The following WDFY3 variants were observed in gnomAD, a reference collection of about 807,000 sequenced individuals.
WDFY3 encodes the protein WD repeat and FYVE domain containing 3, also known as WD repeat and FYVE domain-containing protein 3.
Under a neutral mutation model 409.6 loss-of-function variants are expected in WDFY3, and 66 were observed. The observed-to-expected ratio is 0.16, with a 90% CI of 0.13 to 0.20. The LOEUF is 0.20. Ranked by LOEUF, WDFY3 falls within the 10% of genes least tolerant of loss-of-function variation. The probability of loss-of-function intolerance (pLI) is 1.00; values close to 1 mark genes in which losing one functional copy is unlikely to be tolerated. For synonymous variants in WDFY3, 1,521 were observed against 1,537.1 expected (o/e 0.99, Z 0.25); for missense variants, 3,031 against 4,298.1 (o/e 0.71, Z 8.24).
chr4:84,787,150 G>A (rs1278016280), intron 23 of WDFY3, among the ~76,000 whole-genome samples: 2 of 152,118 alleles, frequency 1.3e-5, no homozygotes. Flanking sequence ...AACAGGGGTG[G>A]CTATACTTTA....
At chr4:84,714,607 T>C (rs899418578) in intron 50 of WDFY3, among the ~76,000 whole-genome samples, 6 of 152,310 alleles carry the variant, frequency 3.9e-5, no homozygotes, top group East Asian at 3.9e-4. Flanking sequence ...AGAAACTGCA[T>C]TGGCTTCATT....
At chr4:84,959,676 C>A (rs7694949) in intron 1 of WDFY3, among the ~76,000 whole-genome samples, 61,869 of 151,890 alleles carry the variant, frequency 0.41, 13,139 homozygotes, top group African/African-American at 0.51. Flanking sequence ...TTTGGAAGAA[C>A]GATTATGAGT....
rs550099529 is a variant in WDFY3, at chr4:84,885,379, C to T, written c.-32+11532G>A. ...GTGTGTGTGTGTGTAAAATGAATCA[C>T]GTAAGAACTCTAACAGGATAAATTC... On this transcript the variant is annotated intron_variant, in intron 3 of 67. Transcript: ENST00000295888. Among the ~76,000 whole-genome samples the T allele has an allele frequency of 3.3e-5, 5 of 150,094 alleles. No individual in the cohort carries two copies. In the South Asian group the frequency reaches 1.1e-3, roughly 32 times the overall value.
chr4:84,952,647 AC>A (rs1456952707), intron 1 of WDFY3, among the ~76,000 whole-genome samples: 18 of 152,124 alleles, frequency 1.2e-4, no homozygotes, highest in Non-Finnish European at 1.9e-4. Context: ...GAACTCCACA[AC>A]ATCAAGAAAT....
intron 36 of WDFY3, among the ~76,000 whole-genome samples, chr4:84,745,484 A>G (rs1438973753): frequency 6.6e-6 from 1 of 152,188 alleles, no homozygotes; most frequent in Non-Finnish European, 1.5e-5. Flanking sequence ...TGGTCCTATT[A>G]AATGTTTTAA....
intron 1 of WDFY3, among the ~76,000 whole-genome samples, chr4:84,937,814 C>T (rs1467477215): frequency 1.3e-5 from 2 of 152,210 alleles, no homozygotes; most frequent in East Asian, 3.9e-4. Flanking sequence ...CACATCCTTG[C>T]CTTGGGGCCT....
At chr4:84,894,748 C>T (rs941365249) in intron 3 of WDFY3, among the ~76,000 whole-genome samples, 7 of 151,534 alleles carry the variant, frequency 4.6e-5, no homozygotes, top group African/African-American at 1.7e-4. Flanking sequence ...ACTGCGTCAC[C>T]GCACTCCGGC....
At chr4:84,839,269 T>G (rs761637052) in intron 6 of WDFY3, among the ~76,000 whole-genome samples, 94 of 152,196 alleles carry the variant, frequency 6.2e-4, no homozygotes, top group Admixed American at 1.4e-3. Flanking sequence ...TATAAAGTTT[T>G]AATAGCAAAT....
At chr4:84,737,506 T>C (rs902824555) in intron 40 of WDFY3, 140 bp from the exon 41 acceptor site, 61 of 1,010,226 alleles carry the variant, frequency 6.0e-5, no homozygotes, top group Non-Finnish European at 7.1e-5. Context: ...AAGCTCATGT[T>C]GTATCTAGCC....
At chr4:84,864,992 T>A (rs1286148011) in intron 3 of WDFY3, among the ~76,000 whole-genome samples, 1 of 152,014 alleles carries the variant, frequency 6.6e-6, no homozygotes, top group Non-Finnish European at 1.5e-5. Flanking sequence ...TGGGCTCAAG[T>A]TATTCTCCCT....
At chr4:84,776,395 G>A (rs1280170356) in intron 27 of WDFY3, among the ~76,000 whole-genome samples, 1 of 152,024 alleles carries the variant, frequency 6.6e-6, no homozygotes, top group Admixed American at 6.6e-5. Context: ...GATGCTATAA[G>A]AAGCCATAAA....
chr4:84,847,765 C>A (rs1758299193), intron 5 of WDFY3, among the ~76,000 whole-genome samples: 2 of 128,454 alleles, frequency 1.6e-5, no homozygotes, highest in South Asian at 2.6e-4. Context: ...CAGAGTAAGA[C>A]TCCGTCCCAA....
rs1407857996 is a variant in WDFY3, at chr4:84,687,760, G to A, written c.9543+326C>T. 3 of 186,522 alleles carry A rather than the reference G, an allele frequency of 1.6e-5. No homozygotes were observed. In the Admixed American group the frequency reaches 1.8e-4, roughly 11 times the overall value. The allele number at this position is 186,522 out of a possible 1,614,324, so 11.6% of individuals were successfully genotyped here. A position where few individuals can be genotyped will look rare whatever the true frequency, so the allele number is the denominator to read the frequency against. On this transcript the variant is annotated intron_variant, in intron 62 of 67. Transcript: ENST00000295888. Reference sequence around the variant, plus strand: ...GTTTTGCTGTTTCCCAGGCTGGAGTGCAATGGCTATCACAGGCACAGCCCA... The same window carrying A: ...GTTTTGCTGTTTCCCAGGCTGGAGTACAATGGCTATCACAGGCACAGCCCA...
intron 2 of WDFY3, among the ~76,000 whole-genome samples, chr4:84,909,723 G>T (rs985905419): frequency 6.6e-6 from 1 of 151,772 alleles, no homozygotes; most frequent in Admixed American, 6.6e-5. Flanking sequence ...ACATAAAATT[G>T]AACAATTTAC....
At chr4:84,814,421 G>A (rs898880629) in intron 13 of WDFY3, among the ~76,000 whole-genome samples, 16 of 152,058 alleles carry the variant, frequency 1.1e-4, no homozygotes, top group African/African-American at 2.4e-4. Flanking sequence ...GCTTTCCTTC[G>A]TTTTAGTTAC....
chr4:84,786,735 T>C (rs1464141612), intron 23 of WDFY3, among the ~76,000 whole-genome samples: 4 of 152,200 alleles, frequency 2.6e-5, no homozygotes, highest in Non-Finnish European at 4.4e-5. Context: ...GATGAATAAA[T>C]ACATGTGAAG....
At chr4:84,795,402 T>C (rs1374085173) in intron 19 of WDFY3, among the ~76,000 whole-genome samples, 1 of 152,156 alleles carries the variant, frequency 6.6e-6, no homozygotes, top group Non-Finnish European at 1.5e-5. Context: ...ATAATATTCT[T>C]AAAACACAGA....
chr4:84,830,846 CA>C (rs1755605168), intron 8 of WDFY3, among the ~76,000 whole-genome samples: 1 of 152,102 alleles, frequency 6.6e-6, no homozygotes. Flanking sequence ...ACTTTCATTA[CA>C]TTATGATTGA....
Position 84,695,967 on chromosome 4 carries a change from T to C in WDFY3, c.8901+3A>G, listed in dbSNP as rs749627337. On this transcript the variant is annotated splice_donor_region_variant and intron_variant, in intron 58 of 67. Transcript: ENST00000295888. Reference sequence around the variant, plus strand: ...ATCAATGACAAGAAAAAAACATCCATACCTGTTTAGGGATCTGACCGAAGT... The same window carrying C: ...ATCAATGACAAGAAAAAAACATCCACACCTGTTTAGGGATCTGACCGAAGT... 1.2e-6 allele frequency: 2 copies of C among 1,613,622 alleles called. No homozygotes were observed. Among genetic ancestry groups the C allele is most frequent in the East Asian group, 2.2e-5 (1 of 44,866 alleles).
Sources: allele counts gnomAD v4.1 joint callset (sites outside exome capture counted in the v4.1 genomes callset), GRCh38; gene constraint gnomAD v4.1.1; transcripts MANE v1.5; gene names NCBI Gene and HGNC (gene_info 2026-07-23, HGNC 2026-07-21).